Variants in CDH12 observed in about 807,000 individuals in gnomAD.
The protein encoded by CDH12 is cadherin-12.
Under a neutral mutation model 74.1 loss-of-function variants are expected in CDH12, and 41 were observed. The ratio of observed to expected loss-of-function variants is 0.55; its 90% CI spans 0.43 to 0.72. The LOEUF (loss-of-function observed/expected upper bound fraction) is 0.72. CDH12 is among the 30% of genes least tolerant of loss of function. CDH12 has a pLI of 0.00. For synonymous variants in CDH12, 399 were observed against 355.0 expected (o/e 1.12, Z -1.39); for missense variants, 945 against 977.2 (o/e 0.97, Z 0.44).
chr5:21,751,631 TTTG>T lies in CDH12; in HGVS notation c.*103_*105del. Reference sequence around the variant, plus strand: ...CAGAGTGTGTGTGTGTGTGTGTGTGTTTGTGTGTGTGTGTGTGTGTGAGAGAGA... The same window carrying T: ...CAGAGTGTGTGTGTGTGTGTGTGTGTTGTGTGTGTGTGTGTGTGAGAGAGA... On this transcript the variant is annotated 3_prime_UTR_variant, in exon 15 of 15. Coordinates refer to ENST00000382254, the MANE Select transcript of CDH12 (RefSeq NM_004061.5). The T allele has an allele frequency of 4.2e-5, 30 of 710,936 alleles. No homozygotes were observed. The Admixed American group carries it at 8.0e-4, about 19-fold the overall frequency. The allele number at this position is 710,936 out of a possible 1,614,324, so 44.0% of individuals were successfully genotyped here.
chr5:22,194,879 G>T (rs1750533170), intron 4 of CDH12, among the ~76,000 whole-genome samples: 1 of 152,158 alleles, frequency 6.6e-6, no homozygotes, highest in African/African-American at 2.4e-5. Flanking sequence ...CAGATGGCAG[G>T]AGGTCAGAGA....
chr5:22,715,896 G>A (rs1277233831), intron 1 of CDH12, among the ~76,000 whole-genome samples: 1 of 151,996 alleles, frequency 6.6e-6, no homozygotes, highest in Non-Finnish European at 1.5e-5. Flanking sequence ...TAGCACTTTG[G>A]GAGGCCTTGG....
intron 6 of CDH12, among the ~76,000 whole-genome samples, chr5:21,867,942 C>A (rs755029286): frequency 5.3e-5 from 8 of 152,130 alleles, no homozygotes; most frequent in Non-Finnish European, 5.9e-5. Flanking sequence ...GGGAGGGAAC[C>A]AGTGGGTGGT....
intron 2 of CDH12, among the ~76,000 whole-genome samples, chr5:22,448,015 G>A (rs1744893223): frequency 6.9e-6 from 1 of 145,138 alleles, no homozygotes; most frequent in Admixed American, 6.9e-5. Flanking sequence ...AGCCAGGCAT[G>A]GGGAGATATA....
intron 3 of CDH12, among the ~76,000 whole-genome samples, chr5:22,391,561 A>G (rs2126419738): frequency 6.6e-6 from 1 of 152,270 alleles, no homozygotes; most frequent in Admixed American, 6.5e-5. Flanking sequence ...TTTTATGCCA[A>G]TACGTTAAGT....
chr5:21,750,689 A>C lies in CDH12; in HGVS notation c.*1048T>G, dbSNP rs2149855706. ...TGTATTTTATTTTTGCTGCTCATCAAAGAATCACTAGATTGTAAGAAACTC... is the reference window on the plus strand; with the variant it reads ...TGTATTTTATTTTTGCTGCTCATCACAGAATCACTAGATTGTAAGAAACTC... On this transcript the variant is annotated 3_prime_UTR_variant, in exon 15 of 15. Coordinates refer to ENST00000382254, the MANE Select transcript of CDH12 (RefSeq NM_004061.5). The C allele has an allele frequency of 6.6e-6, 1 of 152,262 alleles. No individual in the cohort carries two copies. Among genetic ancestry groups the C allele is most frequent in the Middle Eastern group, 3.4e-3 (1 of 294 alleles). The allele number at this position is 152,262 out of a possible 1,614,324, so 9.4% of individuals were successfully genotyped here. A position where few individuals can be genotyped will look rare whatever the true frequency, so the allele number is the denominator to read the frequency against.
intron 6 of CDH12, among the ~76,000 whole-genome samples, chr5:21,936,238 C>A (rs114971133): frequency 0.1 from 15,148 of 152,168 alleles, 2,016 homozygotes; most frequent in African/African-American, 0.31. Context: ...TTTTCTGTAT[C>A]TCCGCGCCAA....
rs1239479263 is a variant in CDH12, at chr5:22,323,312, A to G, written c.-333+81945T>C. On this transcript the variant is annotated intron_variant, in intron 3 of 14. Coordinates refer to ENST00000382254, the MANE Select transcript of CDH12 (RefSeq NM_004061.5). Reference sequence around the variant, plus strand: ...GTATTACAATTAAAATTTATATTAGATAAAAACATATGTGCAGCTTTATTG... The same window carrying G: ...GTATTACAATTAAAATTTATATTAGGTAAAAACATATGTGCAGCTTTATTG... 2.6e-5 allele frequency among the ~76,000 whole-genome samples: 4 copies of G among 152,198 alleles called. No homozygotes were observed. In the East Asian group the frequency reaches 7.7e-4, roughly 29 times the overall value.
At chr5:21,881,290 T>TCAAACATTGTG (rs1468122317) in intron 6 of CDH12, among the ~76,000 whole-genome samples, 4 of 152,200 alleles carry the variant, frequency 2.6e-5, no homozygotes, top group Non-Finnish European at 5.9e-5. Flanking sequence ...TTACAATGTG[T>TCAAACATTGTG]CAAACATTGT....
chr5:22,003,161 T>G (rs879613340), intron 5 of CDH12, among the ~76,000 whole-genome samples: 6 of 152,046 alleles, frequency 3.9e-5, no homozygotes, highest in Admixed American at 3.9e-4. Context: ...TTGCCTTATA[T>G]AATATATATA....
intron 3 of CDH12, among the ~76,000 whole-genome samples, chr5:22,217,281 G>T (rs1229183695): frequency 1.3e-5 from 2 of 151,736 alleles, no homozygotes; most frequent in Non-Finnish European, 3.0e-5. Context: ...ATTGCAACTA[G>T]AATGGATGTT....
chr5:22,075,056 G>A (rs1444205221), intron 5 of CDH12, among the ~76,000 whole-genome samples: 12 of 151,974 alleles, frequency 7.9e-5, no homozygotes, highest in Admixed American at 2.6e-4. Context: ...ACTTGGAATC[G>A]ACCCAAATGT....
intron 1 of CDH12, among the ~76,000 whole-genome samples, chr5:22,744,519 T>C (rs138973593): frequency 6.2e-4 from 95 of 152,328 alleles, no homozygotes; most frequent in African/African-American, 2.2e-3. Context: ...GAAAAGTTTA[T>C]ATTTTACATT....
chr5:22,025,824 C>T (rs1488793245), intron 5 of CDH12, among the ~76,000 whole-genome samples: 1 of 152,150 alleles, frequency 6.6e-6, no homozygotes, highest in Non-Finnish European at 1.5e-5. Flanking sequence ...AGCAATGTTT[C>T]CATCTTAACA....
intron 5 of CDH12, among the ~76,000 whole-genome samples, chr5:21,990,707 A>G (rs935649762): frequency 6.6e-6 from 1 of 151,774 alleles, no homozygotes; most frequent in Non-Finnish European, 1.5e-5. Flanking sequence ...ATGTGTCTAA[A>G]CCCACTTTAA....
chr5:22,465,864 C>T (rs1745708315), intron 2 of CDH12, among the ~76,000 whole-genome samples: 3 of 152,144 alleles, frequency 2.0e-5, no homozygotes, highest in African/African-American at 7.2e-5. Context: ...CTTACAAAAA[C>T]TATAATAGCT....
intron 5 of CDH12, among the ~76,000 whole-genome samples, chr5:22,003,334 G>C (rs1296502610): frequency 6.6e-6 from 1 of 152,070 alleles, no homozygotes; most frequent in East Asian, 1.9e-4. Flanking sequence ...TTAATTTCTT[G>C]CCTTGCTATT....
At position 21,898,087 on chromosome 5, in the gene CDH12, T is replaced by G. The variant is rs566143042; in HGVS notation, c.527-43297A>C. The stretch of plus-strand genomic sequence containing the variant: ...GACCTTATGTAGTAAAAGTACTTTC[T>G]TGAATATTAAACAACTGCTGAAATC... On this transcript the variant is annotated intron_variant, in intron 6 of 14. Transcript: ENST00000382254. 3.8e-3 allele frequency among the ~76,000 whole-genome samples: 571 copies of G among 152,202 alleles called. 9 individuals are homozygous for G. The highest frequency in any genetic ancestry group is 0.013 in the African/African-American group (542 of 41,458).
intron 1 of CDH12, among the ~76,000 whole-genome samples, chr5:22,802,161 G>A (rs1211076431): frequency 7.5e-6 from 1 of 134,048 alleles, no homozygotes; most frequent in African/African-American, 2.9e-5. Flanking sequence ...TCCCTCTGTC[G>A]CCCAGGCTGG....
Sources: allele counts gnomAD v4.1 joint callset (sites outside exome capture counted in the v4.1 genomes callset), GRCh38; gene constraint gnomAD v4.1.1; transcripts MANE v1.5; gene names NCBI Gene and HGNC (gene_info 2026-07-23, HGNC 2026-07-21).